SLC5A3: variants seen among roughly 807,000 people sequenced by gnomAD.
SLC5A3 encodes solute carrier family 5 member 3.
SLC5A3 carries 10 observed loss-of-function variants against 43.2 expected under a neutral mutation model. That is an observed-to-expected ratio of 0.23 (90% CI 0.14 to 0.39). The LOEUF (loss-of-function observed/expected upper bound fraction) is 0.39, where lower values mean the gene tolerates loss of function less well. Among genes scored for constraint, SLC5A3 ranks in the 10% least tolerant of loss-of-function variants. The pLI is 1.00. For missense variants in SLC5A3, 608 were observed against 893.4 expected (o/e 0.68, Z 4.07); for synonymous variants, 349 against 322.0 (o/e 1.08, Z -0.90).
At position 34,073,583 on chromosome 21, in the gene SLC5A3, C is replaced by A; in HGVS notation, c.-499C>A. On this transcript the variant is annotated 5_prime_UTR_variant, in exon 1 of 2. Coordinates refer to ENST00000381151, the MANE Select transcript of SLC5A3 (RefSeq NM_006933.7). ...GGCTCGCGCTCTCGGACCGTGCTTT[C>A]GCCGCCTGGGAGCCGTCCGGCGCAG... is the stretch of plus-strand genomic sequence containing the variant. 3.5e-6 allele frequency: 3 copies of A among 858,274 alleles called. No individual in the cohort carries two copies. Among genetic ancestry groups the A allele is most frequent in the African/African-American group, 1.8e-5 (1 of 55,218 alleles). The allele number at this position is 858,274 out of a possible 1,614,324, so 53.2% of individuals were successfully genotyped here.
chr21:34,097,272 C>T lies in SLC5A3; in HGVS notation c.2074C>T (p.Arg692Trp), dbSNP rs770843858. ...AVCLQMLEET[R>W]QVKVILNIGL... ...TTGTTTACAGATGCTAGAAGAGACT[C>T]GGCAAGTTAAAGTAATACTAAATAT... Residue 692 changes from arginine (R) to tryptophan (W), a missense_variant, in exon 2 of 2, where the codon CGG becomes TGG. Transcript: ENST00000381151. 3.7e-5 allele frequency: 59 copies of T among 1,613,668 alleles called. No homozygotes were observed. Among genetic ancestry groups the T allele is most frequent in the Non-Finnish European group, 4.2e-5 (50 of 1,179,846 alleles).
At chr21:34,077,904 G>A (rs1989371837) in intron 1 of SLC5A3, among the ~76,000 whole-genome samples, 1 of 152,156 alleles carries the variant, frequency 6.6e-6, no homozygotes, top group East Asian at 1.9e-4. Context: ...CAAAAGTTTT[G>A]TATTTGTTCT....
Position 34,101,661 on chromosome 21 carries a change from A to C in SLC5A3, c.*4306A>C. 1.0e-6 allele frequency: 1 copy of C among 1,000,194 alleles called. No homozygotes were observed. Among genetic ancestry groups the C allele is most frequent in the Non-Finnish European group, 1.2e-6 (1 of 829,960 alleles). The allele number at this position is 1,000,194 out of a possible 1,614,324, so 62.0% of individuals were successfully genotyped here. A position where few individuals can be genotyped will look rare whatever the true frequency, so the allele number is the denominator to read the frequency against. On this transcript the variant is annotated 3_prime_UTR_variant, in exon 2 of 2. Coordinates refer to ENST00000381151, the MANE Select transcript of SLC5A3 (RefSeq NM_006933.7). ...TTTTTTTGTCAGCTTAGTTCACTTT[A>C]AGGCATATTGGCATGGTGTGTGAAA...
At chr21:34,080,777 A>G (rs1304364170) in intron 1 of SLC5A3, among the ~76,000 whole-genome samples, 1 of 152,234 alleles carries the variant, frequency 6.6e-6, no homozygotes, top group Non-Finnish European at 1.5e-5. Flanking sequence ...TATATGGTAG[A>G]TACTTACTAA....
chr21:34,087,676 C>T (rs1035757266), intron 1 of SLC5A3, among the ~76,000 whole-genome samples: 9 of 152,166 alleles, frequency 5.9e-5, no homozygotes, highest in Non-Finnish European at 8.8e-5. Flanking sequence ...GTGTTGCCTG[C>T]ATAGGAAATA....
At chr21:34,081,763 T>G (rs1989463790) in intron 1 of SLC5A3, among the ~76,000 whole-genome samples, 1 of 152,204 alleles carries the variant, frequency 6.6e-6, no homozygotes, top group African/African-American at 2.4e-5. Flanking sequence ...CTTTGTGGTC[T>G]TAGGCAAGTC....
intron 1 of SLC5A3, among the ~76,000 whole-genome samples, chr21:34,082,279 A>G (rs182730787): frequency 3.3e-5 from 5 of 152,254 alleles, no homozygotes; most frequent in Non-Finnish European, 5.9e-5. Flanking sequence ...GGCATATTCA[A>G]TTCTTGAAAG....
rs1978939497 is a variant in SLC5A3 at position 34,095,817 on chromosome 21, A to G, written c.619A>G (p.Ile207Val). Residue 207 changes from isoleucine (I) to valine (V), a missense_variant, in exon 2 of 2, where the codon ATT (isoleucine) becomes GTT (valine). Physicochemically the swap from Ile to Val is conservative, Grantham distance 29 (BLOSUM62 3). This residue lies in a region of SLC5A3 where 398 missense variants were observed against 668.6 expected (regional missense o/e 0.60). Transcript: ENST00000381151. The stretch of plus-strand genomic sequence containing the variant: ...ACTTATGATTATTAGCATAATGGAG[A>G]TTGGCGGGTTTGAGGAAGTTAAGAG... ...LTLMIISIME[I>V]GGFEEVKRRY... is the part of the protein sequence containing the mutation. 6.2e-7 allele frequency: 1 copy of G among 1,613,942 alleles called. No individual in the cohort carries two copies. The highest frequency in any genetic ancestry group is 8.5e-7 in the Non-Finnish European group (1 of 1,179,954).
intron 1 of SLC5A3, among the ~76,000 whole-genome samples, chr21:34,076,139 A>G (rs1989324930): frequency 6.6e-6 from 1 of 152,220 alleles, no homozygotes. Context: ...CAACTTTAAC[A>G]GCGGATATGG....
Position 34,102,855 on chromosome 21 carries a change from T to C in SLC5A3, c.*5500T>C. The C allele has an allele frequency of 4.0e-6, 4 of 1,000,038 alleles. No individual in the cohort carries two copies. Among genetic ancestry groups the C allele is most frequent in the Non-Finnish European group, 4.8e-6 (4 of 829,912 alleles). 61.9% of individuals were successfully genotyped at this position (1,000,038 alleles called of 1,614,324 possible). A position where few individuals can be genotyped will look rare whatever the true frequency, so the allele number is the denominator to read the frequency against. Reference sequence around the variant, plus strand: ...TCTAGGTTGTTTACATTCAGAGCTCTATCAATAAGAGGAATACATATTACA... The same window carrying C: ...TCTAGGTTGTTTACATTCAGAGCTCCATCAATAAGAGGAATACATATTACA... On this transcript the variant is annotated 3_prime_UTR_variant, in exon 2 of 2. Coordinates refer to ENST00000381151, the MANE Select transcript of SLC5A3 (RefSeq NM_006933.7).
Position 34,105,915 on chromosome 21 carries a change from C to T in SLC5A3, c.*8560C>T. ...TCATGACAATTCTAACTTGTCTATT[C>T]TAACCTATTGTGTACAATCTGATTT... On this transcript the variant is annotated 3_prime_UTR_variant, in exon 2 of 2. Transcript: ENST00000381151. 1 of 987,116 alleles carries T rather than the reference C, an allele frequency of 1.0e-6. No individual in the cohort carries two copies. The highest frequency in any genetic ancestry group is 1.2e-6 in the Non-Finnish European group (1 of 818,058). The allele number at this position is 987,116 out of a possible 1,614,324, so 61.1% of individuals were successfully genotyped here.
Position 34,073,649 on chromosome 21 carries a change from C to A in SLC5A3, c.-433C>A. ...CACTGTCCCCGCCGTCCCGCCCCTT[C>A]GCGTCCCGGGAACCGGCTGGCTTCC... On this transcript the variant is annotated 5_prime_UTR_variant, in exon 1 of 2. Transcript: ENST00000381151. The A allele has an allele frequency of 6.7e-7, 1 of 1,489,378 alleles. No homozygotes were observed. Among genetic ancestry groups the A allele is most frequent in the Non-Finnish European group, 9.1e-7 (1 of 1,101,874 alleles). The allele number at this position is 1,489,378 out of a possible 1,614,324, so 92.3% of individuals were successfully genotyped here.
chr21:34,091,232 TTTAAGA>T (rs1319415670), intron 1 of SLC5A3, among the ~76,000 whole-genome samples: 1 of 135,106 alleles, frequency 7.4e-6, no homozygotes, highest in African/African-American at 2.8e-5. Context: ...TTTGGTCACG[TTTAAGA>T]TTATTGCGTA....
Position 34,095,698 on chromosome 21 carries a change from G to T in SLC5A3, c.500G>T (p.Gly167Val). 6.2e-7 allele frequency: 1 copy of T among 1,613,692 alleles called. No homozygotes were observed. Among genetic ancestry groups the T allele is most frequent in the Non-Finnish European group, 8.5e-7 (1 of 1,179,914 alleles). The change falls in exon 2 of 2, where the codon GGC (glycine) becomes GTC (valine). Residue 167 changes from glycine to valine, a missense_variant. Around this residue, in one of 2 missense-constraint regions of SLC5A3, gnomAD observed 398 missense variants for 668.6 expected, o/e 0.60. Transcript: ENST00000381151. ...NLYVSVILLI[G>V]MTALLTVTGG... ...TATGTGTCTGTCATCCTGCTCATTG[G>T]CATGACTGCTTTGCTGACTGTCACC...
Position 34,105,769 on chromosome 21 carries a change from A to G in SLC5A3, c.*8414A>G. On this transcript the variant is annotated 3_prime_UTR_variant, in exon 2 of 2. Coordinates refer to ENST00000381151, the MANE Select transcript of SLC5A3 (RefSeq NM_006933.7). ...CTTTTTTAATTTTAAGGTTTGACTAATTGTATCCATCTCATTGTACAGTGT... is the reference window on the plus strand; with the variant it reads ...CTTTTTTAATTTTAAGGTTTGACTAGTTGTATCCATCTCATTGTACAGTGT... The G allele has an allele frequency of 1.0e-6, 1 of 995,744 alleles. No individual in the cohort carries two copies. Among genetic ancestry groups the G allele is most frequent in the African/African-American group, 1.7e-5 (1 of 57,268 alleles). 61.7% of individuals were successfully genotyped at this position (995,744 alleles called of 1,614,324 possible). A position where few individuals can be genotyped will look rare whatever the true frequency, so the allele number is the denominator to read the frequency against.
At chr21:34,075,516 T>C (rs538790813) in intron 1 of SLC5A3, among the ~76,000 whole-genome samples, 1 of 152,210 alleles carries the variant, frequency 6.6e-6, no homozygotes, top group African/African-American at 2.4e-5. Context: ...ATAACCTTCC[T>C]TGAAATCTTC....
At position 34,102,620 on chromosome 21, in the gene SLC5A3, A is replaced by G. The variant is rs1464720048; in HGVS notation, c.*5265A>G. 1.0e-6 allele frequency: 1 copy of G among 1,000,036 alleles called. No homozygotes were observed. Among genetic ancestry groups the G allele is most frequent in the African/African-American group, 1.7e-5 (1 of 57,232 alleles). 61.9% of individuals were successfully genotyped at this position (1,000,036 alleles called of 1,614,324 possible). On this transcript the variant is annotated 3_prime_UTR_variant, in exon 2 of 2. Coordinates refer to ENST00000381151, the MANE Select transcript of SLC5A3 (RefSeq NM_006933.7). ...TTAAACCAATAACTGTACTTTATGTAATGACTCTTAAATTTGGTTACCTGG... is the reference window on the plus strand; with the variant it reads ...TTAAACCAATAACTGTACTTTATGTGATGACTCTTAAATTTGGTTACCTGG...
rs1978904502 is a variant in SLC5A3, at chr21:34,095,142, TAAATA to T, written c.-53_-49del. 3 of 1,529,562 alleles carry T rather than the reference TAAATA, an allele frequency of 2.0e-6. No homozygotes were observed. Among genetic ancestry groups the T allele is most frequent in the Admixed American group, 4.2e-5 (2 of 47,722 alleles). The allele number at this position is 1,529,562 out of a possible 1,614,324, so 94.7% of individuals were successfully genotyped here. A position where few individuals can be genotyped will look rare whatever the true frequency, so the allele number is the denominator to read the frequency against. On this transcript the variant is annotated 5_prime_UTR_variant, in exon 2 of 2. Coordinates refer to ENST00000381151, the MANE Select transcript of SLC5A3 (RefSeq NM_006933.7). ...CAGACTTGGCTGGGGTTACTAAAAA[TAAATA>T]AAAAGTTGGACACTTCTGTCATTGG...
Position 34,105,834 on chromosome 21 carries a change from G to T in SLC5A3, c.*8479G>T, listed in dbSNP as rs140597425. 1 of 995,240 alleles carries T rather than the reference G, an allele frequency of 1.0e-6. No individual in the cohort carries two copies. Among genetic ancestry groups the T allele is most frequent in the Non-Finnish European group, 1.2e-6 (1 of 825,802 alleles). 61.7% of individuals were successfully genotyped at this position (995,240 alleles called of 1,614,324 possible). A position where few individuals can be genotyped will look rare whatever the true frequency, so the allele number is the denominator to read the frequency against. ...GAAAGTAGAATTTGGTATAAAGCAG[G>T]TTATTTCTATATTGAAAGGAGTACA... On this transcript the variant is annotated 3_prime_UTR_variant, in exon 2 of 2. Coordinates refer to ENST00000381151, the MANE Select transcript of SLC5A3 (RefSeq NM_006933.7).
Sources: allele counts gnomAD v4.1 joint callset (sites outside exome capture counted in the v4.1 genomes callset), GRCh38; gene constraint gnomAD v4.1.1; regional missense constraint gnomAD v4.1.1; transcripts MANE v1.5; gene names NCBI Gene and HGNC (gene_info 2026-07-23, HGNC 2026-07-21).